COA1: variants seen among roughly 807,000 people sequenced by gnomAD.
COA1 encodes the protein cytochrome c oxidase assembly factor 1.
Under a neutral mutation model 16.0 loss-of-function variants are expected in COA1, and 13 were observed. The observed-to-expected ratio is 0.81, with a 90% CI of 0.53 to 1.29. The LOEUF is 1.29. Among genes scored for constraint, COA1 ranks in the 50% most tolerant of loss-of-function variants. COA1 has a pLI of 0.00. For synonymous variants in COA1, 65 were observed against 65.7 expected (o/e 0.99, Z 0.05); for missense variants, 179 against 177.0 (o/e 1.01, Z -0.06).
intron 3 of COA1, chr7:43,646,891 G>C (rs1369072737): frequency 4.7e-6 from 1 of 212,456 alleles, no homozygotes; most frequent in African/African-American, 2.3e-5. Flanking sequence ...TGGGGATAAA[G>C]GAGCCTAAAA....
At chr7:43,696,313 G>C (rs1447284672) in intron 1 of COA1, among the ~76,000 whole-genome samples, 1 of 152,158 alleles carries the variant, frequency 6.6e-6, no homozygotes, top group Non-Finnish European at 1.5e-5. Flanking sequence ...AGAACAGTAT[G>C]GGGGGAACCG....
chr7:43,648,803 G>A (rs2090133295), intron 1 of COA1, 151 bp from the exon 2 acceptor site: 2 of 595,272 alleles, frequency 3.4e-6, no homozygotes, highest in Admixed American at 6.3e-5. Flanking sequence ...TCTGTGAAAG[G>A]CCCTGGTTTT....
chr7:43,725,171 G>C (rs896957043), intron 1 of COA1, among the ~76,000 whole-genome samples: 1 of 152,072 alleles, frequency 6.6e-6, no homozygotes, highest in African/African-American at 2.4e-5. Flanking sequence ...CCGGGAGGTG[G>C]GGGTTGCGGT....
At chr7:43,633,263 T>C (rs1355032017) in intron 6 of COA1, 1 of 152,228 alleles carries the variant, frequency 6.6e-6, no homozygotes, top group South Asian at 2.1e-4. Flanking sequence ...TTTATGGAGA[T>C]GGCTTCTTTA....
intron 1 of COA1, among the ~76,000 whole-genome samples, chr7:43,669,397 A>G (rs2093107806): frequency 6.6e-6 from 1 of 152,120 alleles, no homozygotes; most frequent in Non-Finnish European, 1.5e-5. Flanking sequence ...CCACCCAAAC[A>G]TGGTGATTCC....
Position 43,715,006 on chromosome 7 carries a change from TAAAAAAA to T in COA1, c.-39+14416_-39+14422del, listed in dbSNP as rs755827781. Among the ~76,000 whole-genome samples, 79 of 95,786 alleles carry T rather than the reference TAAAAAAA, an allele frequency of 8.2e-4. 1 individual carries two copies. The East Asian group carries it at 0.016, about 20-fold the overall frequency. The allele number at this position is 95,786 out of a possible 152,430, so 62.8% of individuals were successfully genotyped here. On this transcript the variant is annotated intron_variant, in intron 1 of 5. Transcript: ENST00000223336. ...TGGGCAAAAGAGTGAGCCTCTTGTC[TAAAAAAA>T]AAAAAAAAAAAAAAAAAAAGGAAAC... is the stretch of plus-strand genomic sequence containing the variant.
intron 1 of COA1, among the ~76,000 whole-genome samples, chr7:43,679,459 C>G (rs1415231450): frequency 1.3e-5 from 2 of 152,046 alleles, no homozygotes; most frequent in East Asian, 3.9e-4. Flanking sequence ...AGAAATAAAG[C>G]TGAGGGCCAC....
intron 1 of COA1, among the ~76,000 whole-genome samples, chr7:43,672,821 A>G (rs2093337933): frequency 6.6e-6 from 1 of 152,004 alleles, no homozygotes; most frequent in African/African-American, 2.4e-5. Context: ...AAACAGACAC[A>G]TATACCAATG....
intron 1 of COA1, among the ~76,000 whole-genome samples, chr7:43,664,916 T>A (rs1056531542): frequency 3.9e-5 from 6 of 152,234 alleles, no homozygotes; most frequent in African/African-American, 1.2e-4. Flanking sequence ...ATGTCTTCAG[T>A]CTTTTACTTT....
At chr7:43,644,793 GA>G (rs2088644970) in intron 4 of COA1, among the ~76,000 whole-genome samples, 1 of 123,726 alleles carries the variant, frequency 8.1e-6, no homozygotes, top group Admixed American at 8.1e-5. Context: ...CAGGCAGGCA[GA>G]GAGACAGAGA....
intron 1 of COA1, among the ~76,000 whole-genome samples, chr7:43,702,096 ATT>A (rs1167871863): frequency 6.6e-6 from 1 of 151,858 alleles, no homozygotes; most frequent in African/African-American, 2.4e-5. Context: ...TCGCTTATCT[ATT>A]TTTGTTTTGT....
chr7:43,638,901 T>G (rs2086396813), downstream of COA1: 1 of 152,230 alleles, frequency 6.6e-6, no homozygotes, highest in Non-Finnish European at 1.5e-5. Context: ...TCAAACTAAC[T>G]TTCCTAAGTT....
At chr7:43,648,856 C>A (rs766327291) in intron 1 of COA1, 1 of 515,384 alleles carries the variant, frequency 1.9e-6, no homozygotes, top group Non-Finnish European at 3.5e-6. Context: ...ACAAAGCCTG[C>A]GGGTTTCCTG....
chr7:43,629,549 C>CT (rs1422165595), intron 6 of COA1, among the ~76,000 whole-genome samples: 3 of 152,064 alleles, frequency 2.0e-5, no homozygotes, highest in African/African-American at 7.2e-5. Context: ...CATATTTCAG[C>CT]TTTTTTTGTT....
rs768230064 is a variant in COA1 at position 43,647,511 on chromosome 7, G to GCAGGC, written c.115+19_115+23dup. The GCAGGC allele has an allele frequency of 5.1e-4, 784 of 1,538,364 alleles. 1 individual carries two copies. Among genetic ancestry groups the GCAGGC allele is most frequent in the Non-Finnish European group, 4.2e-4 (470 of 1,110,570 alleles). On this transcript the variant is annotated intron_variant, in intron 3 of 5. Transcript: ENST00000223336. Reference sequence around the variant, plus strand: ...GAGCAGGCTAGGAGGAGGTCAGGCCGCAGGCGGCTAGCAGGATACTTACTT... The same window carrying GCAGGC: ...GAGCAGGCTAGGAGGAGGTCAGGCCGCAGGCCAGGCGGCTAGCAGGATACTTACTT...
At chr7:43,690,455 A>ACG (rs1461259408) in intron 1 of COA1, among the ~76,000 whole-genome samples, 1 of 152,210 alleles carries the variant, frequency 6.6e-6, no homozygotes, top group Non-Finnish European at 1.5e-5. Flanking sequence ...ATATACACAC[A>ACG]CACACATATA....
At chr7:43,633,836 C>A (rs1318324744) in intron 6 of COA1, among the ~76,000 whole-genome samples, 1 of 151,934 alleles carries the variant, frequency 6.6e-6, no homozygotes, top group East Asian at 1.9e-4. Context: ...TCAGCCCCAC[C>A]CTCCCTCTCC....
At chr7:43,692,347 T>C (rs1485008531) in intron 1 of COA1, among the ~76,000 whole-genome samples, 1 of 152,078 alleles carries the variant, frequency 6.6e-6, no homozygotes. Flanking sequence ...GGTGAAGCCA[T>C]GTATCTACAA....
intron 1 of COA1, among the ~76,000 whole-genome samples, chr7:43,677,794 C>G (rs937349469): frequency 1.1e-5 from 1 of 88,250 alleles, no homozygotes; most frequent in Non-Finnish European, 2.2e-5. Context: ...AAGGGAGGCT[C>G]TGTCTTAAAA....
Sources: gnomAD v4.1 joint callset for allele counts (sites outside exome capture counted in the v4.1 genomes callset) on GRCh38, gnomAD v4.1.1 for gene constraint, MANE v1.5 for transcripts, NCBI Gene and HGNC (gene_info 2026-07-23, HGNC 2026-07-21) for gene names.